TSC22D1: variants seen among roughly 807,000 people sequenced by gnomAD.
TSC22D1 encodes TSC22 domain family member 1.
TSC22D1 carries 9 observed loss-of-function variants against 74.2 expected under a neutral mutation model. The ratio of observed to expected loss-of-function variants is 0.12; its 90% CI spans 0.07 to 0.21. TSC22D1 has a LOEUF of 0.21. Ranked by LOEUF, TSC22D1 falls within the 10% of genes least tolerant of loss-of-function variation. The pLI is 1.00. For missense variants in TSC22D1, 1,427 were observed against 1,304.7 expected (o/e 1.09, Z -1.44); for synonymous variants, 586 against 492.5 (o/e 1.19, Z -2.51).
chr13:44,455,797 T>C (rs1427977182), intron 1 of TSC22D1, among the ~76,000 whole-genome samples: 1 of 152,204 alleles, frequency 6.6e-6, no homozygotes, highest in Non-Finnish European at 1.5e-5. Context: ...TTTATCTTTA[T>C]TTCTACCTCA....
At chr13:44,509,950 C>CAAAAAAAAAAAAA in intron 1 of TSC22D1, among the ~76,000 whole-genome samples, 22 of 51,432 alleles carry the variant, frequency 4.3e-4, no homozygotes, top group East Asian at 1.7e-3. Context: ...AGAAAATAAG[C>CAAAAAAAAAAAAA]AAAAAAAAAA....
At chr13:44,438,885 C>A (rs1215093656) in intron 1 of TSC22D1, among the ~76,000 whole-genome samples, 1 of 152,050 alleles carries the variant, frequency 6.6e-6, no homozygotes, top group East Asian at 1.9e-4. Flanking sequence ...ATTCCATTTA[C>A]ATGTTTTAAC....
At chr13:44,567,842 A>T (rs1048165157) in intron 1 of TSC22D1, among the ~76,000 whole-genome samples, 1 of 152,196 alleles carries the variant, frequency 6.6e-6, no homozygotes, top group African/African-American at 2.4e-5. Context: ...GAAAGGGTTC[A>T]CCAAGTACTC....
rs200171817 is a variant in TSC22D1 at position 44,555,606 on chromosome 13, A to AAAATAAAT, written c.2912+17549_2912+17556dup. ...GGGCGACAGCAAAAGACCCTGTCTA[A>AAAATAAAT]AAATAAATAAATAAATAAATAAATA... On this transcript the variant is annotated intron_variant, in intron 1 of 2. Transcript: ENST00000458659. Among the ~76,000 whole-genome samples the AAAATAAAT allele has an allele frequency of 4.2e-3, 639 of 151,922 alleles. 5 individuals are homozygous for AAAATAAAT. Among genetic ancestry groups the AAAATAAAT allele is most frequent in the African/African-American group, 0.015 (606 of 41,394 alleles).
At chr13:44,454,236 T>G (rs1199819622) in intron 1 of TSC22D1, among the ~76,000 whole-genome samples, 1 of 152,206 alleles carries the variant, frequency 6.6e-6, no homozygotes, top group East Asian at 1.9e-4. Context: ...AGTTATGTTA[T>G]ATGAAGAGAT....
At chr13:44,479,102 A>G (rs1425776191) in intron 1 of TSC22D1, among the ~76,000 whole-genome samples, 1 of 152,186 alleles carries the variant, frequency 6.6e-6, no homozygotes, top group African/African-American at 2.4e-5. Context: ...CACAAGAGTG[A>G]CTGATACTAA....
At chr13:44,571,348 C>T (rs1276701609) in intron 1 of TSC22D1, among the ~76,000 whole-genome samples, 1 of 151,980 alleles carries the variant, frequency 6.6e-6, no homozygotes, top group African/African-American at 2.4e-5. Context: ...AAACTGGGAC[C>T]CTATTCCTAT....
At chr13:44,452,263 T>G (rs1876203584) in intron 1 of TSC22D1, among the ~76,000 whole-genome samples, 1 of 152,138 alleles carries the variant, frequency 6.6e-6, no homozygotes, top group South Asian at 2.1e-4. Context: ...GTGGCAGAGT[T>G]GGTGGCAACT....
At chr13:44,545,919 G>C (rs1881793195) in intron 1 of TSC22D1, among the ~76,000 whole-genome samples, 1 of 151,822 alleles carries the variant, frequency 6.6e-6, no homozygotes, top group African/African-American at 2.4e-5. Flanking sequence ...AAAGGTTGCA[G>C]TGAGCCAAGA....
chr13:44,442,634 C>T (rs924994036), intron 1 of TSC22D1, among the ~76,000 whole-genome samples: 2 of 151,984 alleles, frequency 1.3e-5, no homozygotes, highest in African/African-American at 2.4e-5. Context: ...AAGAACAAAT[C>T]GGCCAGGTGT....
At chr13:44,439,020 T>C (rs950735387) in intron 1 of TSC22D1, among the ~76,000 whole-genome samples, 2 of 152,236 alleles carry the variant, frequency 1.3e-5, no homozygotes, top group Admixed American at 6.5e-5. Context: ...TTTTAAAAAA[T>C]TACTAAATTA....
In TSC22D1 at chr13:44,575,370, A is replaced by G. The variant is rs769256217; in HGVS notation, c.705T>C (p.Gly235=). ...QIHHGHHLQH[G]HHHPSHVAVA... is the part of the protein sequence containing the mutation. ...CAGCAACATGAGATGGATGGTGGTG[A>G]CCATGTTGGAGGTGGTGCCCATGAT... Residue 235 remains glycine, a synonymous_variant, in exon 1 of 3, where the codon GGT becomes GGC. Coordinates refer to ENST00000458659, the MANE Select transcript of TSC22D1 (RefSeq NM_183422.4). The G allele has an allele frequency of 1.2e-6, 2 of 1,613,996 alleles. No homozygotes were observed. Among genetic ancestry groups the G allele is most frequent in the African/African-American group, 2.7e-5 (2 of 74,908 alleles).
intron 1 of TSC22D1, among the ~76,000 whole-genome samples, chr13:44,459,926 G>A (rs1445753135): frequency 1.3e-5 from 2 of 152,130 alleles, no homozygotes; most frequent in Non-Finnish European, 2.9e-5. Context: ...ATCCTTGGCA[G>A]GCATGGGATC....
intron 1 of TSC22D1, among the ~76,000 whole-genome samples, chr13:44,559,904 C>G (rs1371580541): frequency 6.6e-6 from 1 of 151,888 alleles, no homozygotes; most frequent in Non-Finnish European, 1.5e-5. Flanking sequence ...GTTGGCCAGG[C>G]TGGTCTTGAA....
intron 1 of TSC22D1, among the ~76,000 whole-genome samples, chr13:44,507,469 CT>C (rs576593235): frequency 0.011 from 1,549 of 144,728 alleles, 17 homozygotes; most frequent in East Asian, 0.057. Flanking sequence ...TCTTACTTTA[CT>C]TTTTTTTTTT....
chr13:44,555,126 A>G (rs1014769895), intron 1 of TSC22D1, among the ~76,000 whole-genome samples: 1 of 152,094 alleles, frequency 6.6e-6, no homozygotes, highest in African/African-American at 2.4e-5. Context: ...ATTAAAAAAA[A>G]AAAAAAAATC....
chr13:44,560,837 T>C (rs1241300623), intron 1 of TSC22D1, among the ~76,000 whole-genome samples: 1 of 152,200 alleles, frequency 6.6e-6, no homozygotes, highest in Non-Finnish European at 1.5e-5. Context: ...ATATTCAATA[T>C]CCTATCACAG....
At chr13:44,536,192 ATTAATTTCT>A (rs1411082750) in intron 1 of TSC22D1, among the ~76,000 whole-genome samples, 1 of 151,878 alleles carries the variant, frequency 6.6e-6, no homozygotes, top group Non-Finnish European at 1.5e-5. Flanking sequence ...CTTTCAGAGT[ATTAATTTCT>A]TTGGGGAGCC....
At chr13:44,446,811 G>GGAAGAGGAGGAA (rs1174740844) in intron 1 of TSC22D1, among the ~76,000 whole-genome samples, 5 of 144,906 alleles carry the variant, frequency 3.5e-5, no homozygotes, top group Non-Finnish European at 7.5e-5. Flanking sequence ...AAAAGGAGGA[G>GGAAGAGGAGGAA]GAAGAGGAGG....
Sources: allele counts gnomAD v4.1 joint callset (sites outside exome capture counted in the v4.1 genomes callset), GRCh38; gene constraint gnomAD v4.1.1; transcripts MANE v1.5; gene names NCBI Gene and HGNC (gene_info 2026-07-23, HGNC 2026-07-21).